The following HS3ST5 variants were observed in gnomAD, a reference collection of about 807,000 sequenced individuals.
The protein encoded by HS3ST5 is heparan sulfate glucosamine 3-O-sulfotransferase 5.
HS3ST5 carries 10 observed loss-of-function variants against 25.4 expected under a neutral mutation model. That is an observed-to-expected ratio of 0.39 (90% CI 0.24 to 0.67). The LOEUF (loss-of-function observed/expected upper bound fraction) is 0.67. HS3ST5 is among the 30% of genes least tolerant of loss of function. The pLI is 0.44. For missense variants in HS3ST5, 324 were observed against 420.7 expected, an observed-to-expected ratio of 0.77 and a Z score of 2.01; for synonymous variants, 170 against 162.4, an observed-to-expected ratio of 1.05 and a Z score of -0.36.
chr6:114,084,176 A>T, intron 3 of HS3ST5: 1 of 917,554 alleles, frequency 1.1e-6, no homozygotes, highest in South Asian at 1.3e-5. Flanking sequence ...GCTTAAGACC[A>T]TTAAGTGGTT....
At chr6:114,206,327 TACTC>T (rs1432569045) in intron 2 of HS3ST5, among the ~76,000 whole-genome samples, 3 of 152,190 alleles carry the variant, frequency 2.0e-5, no homozygotes, top group Non-Finnish European at 4.4e-5. Context: ...AACAGATAGA[TACTC>T]ACATTTTTAA....
At position 114,057,399 on chromosome 6, in the gene HS3ST5, A is replaced by T. The variant is rs1286965879; in HGVS notation, c.899T>A (p.Ile300Asn). ...RGFYCLRFNI[I>N]FNKCLAGSKG... ...GCTGCCCGCCAGGCACTTATTAAAGATAATATTAAACCGCAAGCAGTAAAA... is the reference window on the plus strand; with the variant it reads ...GCTGCCCGCCAGGCACTTATTAAAGTTAATATTAAACCGCAAGCAGTAAAA... The change falls in exon 5 of 5, where the codon ATC becomes AAC. Residue 300 changes from isoleucine (I) to asparagine (N), a missense_variant. Transcript: ENST00000312719. 6.2e-6 allele frequency: 10 copies of T among 1,614,084 alleles called. No individual in the cohort carries two copies. Among genetic ancestry groups the T allele is most frequent in the Non-Finnish European group, 8.5e-6 (10 of 1,180,052 alleles).
At chr6:114,203,143 C>A (rs892456109) in intron 2 of HS3ST5, among the ~76,000 whole-genome samples, 1 of 152,168 alleles carries the variant, frequency 6.6e-6, no homozygotes, top group African/African-American at 2.4e-5. Flanking sequence ...GATGTAGGGG[C>A]CAAGGGAAAC....
At chr6:114,223,907 T>A (rs1463526248) in intron 2 of HS3ST5, among the ~76,000 whole-genome samples, 5 of 151,586 alleles carry the variant, frequency 3.3e-5, no homozygotes, top group Non-Finnish European at 5.9e-5. Context: ...AAAAAATGGG[T>A]TATTTCTATT....
chr6:114,311,560 T>G (rs1198045672), intron 1 of HS3ST5, among the ~76,000 whole-genome samples: 1 of 146,224 alleles, frequency 6.8e-6, no homozygotes, highest in African/African-American at 2.5e-5. Context: ...TTTTTTTTTT[T>G]TTGAGACAGT....
intron 1 of HS3ST5, among the ~76,000 whole-genome samples, chr6:114,285,116 G>A (rs572935076): frequency 6.6e-6 from 1 of 152,108 alleles, no homozygotes; most frequent in Non-Finnish European, 1.5e-5. Context: ...TATTAGCATT[G>A]GATGTTCACT....
chr6:114,283,323 C>T (rs775878850), intron 1 of HS3ST5, among the ~76,000 whole-genome samples: 29 of 151,796 alleles, frequency 1.9e-4, no homozygotes, highest in Non-Finnish European at 4.0e-4. Flanking sequence ...TATATCATTG[C>T]ACTGACAGTA....
At chr6:114,164,533 G>A (rs537065291) in intron 3 of HS3ST5, among the ~76,000 whole-genome samples, 3 of 152,258 alleles carry the variant, frequency 2.0e-5, no homozygotes, top group Admixed American at 6.5e-5. Context: ...CTTGGAAGCA[G>A]AGGCCTCCTC....
chr6:114,164,655 A>G (rs749314842), intron 3 of HS3ST5, among the ~76,000 whole-genome samples: 12 of 152,214 alleles, frequency 7.9e-5, no homozygotes, highest in Non-Finnish European at 1.5e-4. Context: ...GGGTTAAAAT[A>G]CAATTCTTAA....
intron 4 of HS3ST5, among the ~76,000 whole-genome samples, chr6:114,062,357 T>G (rs1773166453): frequency 1.3e-5 from 2 of 152,178 alleles, no homozygotes; most frequent in Admixed American, 1.3e-4. Context: ...GCACATTAAG[T>G]GTCCACTCAT....
At position 114,149,949 on chromosome 6, in the gene HS3ST5, A is replaced by G. The variant is rs528556859; in HGVS notation, c.-33+18402T>C. 3.3e-4 allele frequency among the ~76,000 whole-genome samples: 51 copies of G among 152,304 alleles called. 3 individuals are homozygous for G. The South Asian group carries it at 8.9e-3, about 27-fold the overall frequency. On this transcript the variant is annotated intron_variant, in intron 3 of 4. Coordinates refer to ENST00000312719, the MANE Select transcript of HS3ST5 (RefSeq NM_153612.4). Reference sequence around the variant, plus strand: ...CATATCAAGAAGAGACAGGCTTAAAAGAGTTTCCCTTTGTTGGTTAGATTA... The same window carrying G: ...CATATCAAGAAGAGACAGGCTTAAAGGAGTTTCCCTTTGTTGGTTAGATTA...
At chr6:114,129,491 G>A (rs1303572242) in intron 3 of HS3ST5, among the ~76,000 whole-genome samples, 2 of 152,008 alleles carry the variant, frequency 1.3e-5, no homozygotes, top group Non-Finnish European at 2.9e-5. Context: ...TCCTGACCTC[G>A]TGATCCGCCT....
chr6:114,114,704 A>G (rs954483771), intron 3 of HS3ST5, among the ~76,000 whole-genome samples: 1 of 152,132 alleles, frequency 6.6e-6, no homozygotes, highest in Non-Finnish European at 1.5e-5. Context: ...TAAATTAATC[A>G]TAGTATAATA....
intron 1 of HS3ST5, among the ~76,000 whole-genome samples, chr6:114,331,601 G>A: frequency 6.6e-6 from 1 of 151,978 alleles, no homozygotes; most frequent in Middle Eastern, 3.4e-3. Flanking sequence ...ATATTTTGAA[G>A]GTAATATTAC....
chr6:114,172,295 C>T (rs1001713343), intron 2 of HS3ST5, among the ~76,000 whole-genome samples: 42 of 152,204 alleles, frequency 2.8e-4, no homozygotes, highest in African/African-American at 9.4e-4. Flanking sequence ...ACGATATCCC[C>T]GCTCAAGAGC....
intron 1 of HS3ST5, among the ~76,000 whole-genome samples, chr6:114,264,012 T>C (rs1773293638): frequency 6.6e-6 from 1 of 152,202 alleles, no homozygotes; most frequent in Non-Finnish European, 1.5e-5. Flanking sequence ...CTATCAGCTT[T>C]ATATCGTGTC....
At chr6:114,176,690 A>G (rs1017125852) in intron 2 of HS3ST5, among the ~76,000 whole-genome samples, 2 of 152,200 alleles carry the variant, frequency 1.3e-5, no homozygotes, top group African/African-American at 4.8e-5. Context: ...TCTAAAAAAA[A>G]CTACCTCTTC....
chr6:114,308,432 G>A (rs73544406), intron 1 of HS3ST5, among the ~76,000 whole-genome samples: 5,401 of 151,904 alleles, frequency 0.036, 323 homozygotes, highest in African/African-American at 0.12. Flanking sequence ...AAGAAATACA[G>A]GAAAATTAGC....
At chr6:114,058,549 G>A (rs1012821152) in intron 4 of HS3ST5, 4 of 182,710 alleles carry the variant, frequency 2.2e-5, no homozygotes, top group Admixed American at 1.1e-4. Flanking sequence ...AAAGGCAGGA[G>A]ATTATAATCT....
Sources: gnomAD v4.1 joint callset for allele counts (sites outside exome capture counted in the v4.1 genomes callset) on GRCh38, gnomAD v4.1.1 for gene constraint, MANE v1.5 for transcripts, NCBI Gene and HGNC (gene_info 2026-07-23, HGNC 2026-07-21) for gene names.